PTPRD: variants seen among roughly 807,000 people sequenced by gnomAD.
The protein encoded by PTPRD is receptor-type tyrosine-protein phosphatase delta.
Under a neutral mutation model 214.5 loss-of-function variants are expected in PTPRD, and 34 were observed. The observed-to-expected ratio is 0.16, with a 90% confidence interval of 0.12 to 0.21. The LOEUF (loss-of-function observed/expected upper bound fraction) is 0.21. PTPRD is among the 10% of genes least tolerant of loss of function. The probability of loss-of-function intolerance (pLI) is 1.00; values close to 1 mark genes in which losing one functional copy is unlikely to be tolerated. For synonymous variants in PTPRD, 1,128 were observed against 845.7 expected (o/e 1.33, Z -5.79); for missense variants, 2,545 against 2,398.7 (o/e 1.06, Z -1.27).
intron 2 of PTPRD, among the ~76,000 whole-genome samples, chr9:10,594,858 C>A (rs900451889): frequency 1.3e-5 from 2 of 151,900 alleles, no homozygotes; most frequent in African/African-American, 4.8e-5. Context: ...GTCACAATAC[C>A]ATATTAAATG....
rs4609250 is a variant in PTPRD, at chr9:9,479,222, C to A, written c.-236-81740G>T. On this transcript the variant is annotated intron_variant, in intron 8 of 45. Coordinates refer to ENST00000381196, the MANE Select transcript of PTPRD (RefSeq NM_002839.4). ...ACATACATACACACACACGCCCCCC[C>A]CCCCCCCACACACACACCCACCTCT... is the stretch of plus-strand genomic sequence containing the variant. Among the ~76,000 whole-genome samples, 66 of 93,520 alleles carry A rather than the reference C, an allele frequency of 7.1e-4. 2 individuals carry two copies. The highest frequency in any genetic ancestry group is 2.1e-3 in the African/African-American group (51 of 24,196). 61.4% of individuals were successfully genotyped at this position (93,520 alleles called of 152,430 possible).
intron 11 of PTPRD, among the ~76,000 whole-genome samples, chr9:8,839,815 G>A (rs965066541): frequency 4.7e-5 from 7 of 149,058 alleles, no homozygotes; most frequent in African/African-American, 1.7e-4. Context: ...AAGACAAACA[G>A]ACACATCTAG....
intron 3 of PTPRD, among the ~76,000 whole-genome samples, chr9:10,298,576 TTTG>T (rs1480475309): frequency 3.3e-5 from 5 of 152,124 alleles, no homozygotes; most frequent in African/African-American, 1.2e-4. Context: ...ATATTTAGTT[TTTG>T]TTATCACACA....
chr9:10,482,197 C>A (rs567145258), intron 2 of PTPRD, among the ~76,000 whole-genome samples: 1 of 151,766 alleles, frequency 6.6e-6, no homozygotes, highest in Non-Finnish European at 1.5e-5. Context: ...CAGTGAAACC[C>A]CATCTCTACT....
At chr9:9,269,284 C>T (rs4363255) in intron 9 of PTPRD, among the ~76,000 whole-genome samples, 69,612 of 150,940 alleles carry the variant, frequency 0.46, 16,525 homozygotes, top group African/African-American at 0.58. Context: ...ATCGGAAACA[C>T]GCAAATCAAA....
At chr9:9,334,266 C>T (rs533101048) in intron 9 of PTPRD, among the ~76,000 whole-genome samples, 23 of 151,904 alleles carry the variant, frequency 1.5e-4, no homozygotes, top group Non-Finnish European at 2.7e-4. Context: ...TAAGATGGCT[C>T]ATATAAAATT....
chr9:8,640,045 C>T lies in PTPRD; in HGVS notation c.65-3201G>A, dbSNP rs116065816. On this transcript the variant is annotated intron_variant, in intron 12 of 45. Transcript: ENST00000381196. ...TCCCAGGCTCAGTCAGTCCTCCCAC[C>T]TTAGCATCCAGAGTGGCTGGGAGCA... 5.0e-3 allele frequency among the ~76,000 whole-genome samples: 760 copies of T among 152,258 alleles called. 12 individuals carry two copies. Among genetic ancestry groups the T allele is most frequent in the African/African-American group, 0.018 (731 of 41,546 alleles).
chr9:9,643,926 T>C (rs2096059053), intron 7 of PTPRD, among the ~76,000 whole-genome samples: 1 of 152,198 alleles, frequency 6.6e-6, no homozygotes, highest in Admixed American at 6.5e-5. Context: ...GTTATACTCA[T>C]AGGCATTTCA....
intron 3 of PTPRD, among the ~76,000 whole-genome samples, chr9:10,101,551 G>C (rs1423769570): frequency 1.3e-5 from 2 of 151,548 alleles, no homozygotes; most frequent in African/African-American, 2.4e-5. Flanking sequence ...GCCCACTAAG[G>C]CTTTTACCAT....
intron 2 of PTPRD, among the ~76,000 whole-genome samples, chr9:10,360,997 G>A (rs1056418135): frequency 2.0e-5 from 3 of 152,096 alleles, no homozygotes; most frequent in Admixed American, 6.5e-5. Flanking sequence ...AGCTACTCGG[G>A]AGGCTGAGGC....
chr9:8,534,740 G>A (rs559306255), intron 14 of PTPRD, among the ~76,000 whole-genome samples: 2 of 151,904 alleles, frequency 1.3e-5, no homozygotes, highest in Admixed American at 6.6e-5. Context: ...GCAGCAGAAA[G>A]TCAGTGGATT....
chr9:10,293,257 A>G (rs1450329033), intron 3 of PTPRD, among the ~76,000 whole-genome samples: 2 of 151,750 alleles, frequency 1.3e-5, no homozygotes, highest in Non-Finnish European at 2.9e-5. Flanking sequence ...AGAGGTATAG[A>G]AAAAAAATTG....
chr9:10,196,014 T>C (rs1489052365), intron 3 of PTPRD, among the ~76,000 whole-genome samples: 2 of 152,074 alleles, frequency 1.3e-5, no homozygotes, highest in East Asian at 1.9e-4. Flanking sequence ...AGGAGGGGGA[T>C]TGACTATAGA....
At chr9:9,459,007 C>A (rs976663749) in intron 8 of PTPRD, among the ~76,000 whole-genome samples, 4 of 151,940 alleles carry the variant, frequency 2.6e-5, no homozygotes, top group African/African-American at 9.7e-5. Flanking sequence ...GGTGAATGGT[C>A]ATGCTTTAAA....
At chr9:9,739,777 T>C (rs2098369855) in intron 6 of PTPRD, among the ~76,000 whole-genome samples, 1 of 152,064 alleles carries the variant, frequency 6.6e-6, no homozygotes, top group Non-Finnish European at 1.5e-5. Flanking sequence ...CTTCCTAACT[T>C]GTTGAGATAG....
chr9:8,420,701 T>C (rs1021684888), intron 35 of PTPRD, among the ~76,000 whole-genome samples: 14 of 152,104 alleles, frequency 9.2e-5, no homozygotes, highest in Non-Finnish European at 2.1e-4. Context: ...CTGAAGCTGG[T>C]AGTCTTTATG....
chr9:10,362,343 T>A (rs2097409873), intron 2 of PTPRD, among the ~76,000 whole-genome samples: 1 of 151,852 alleles, frequency 6.6e-6, no homozygotes, highest in Admixed American at 6.6e-5. Context: ...GAAATTTTTT[T>A]TTTTTTTTTT....
At chr9:9,131,462 C>T (rs2099842480) in intron 10 of PTPRD, among the ~76,000 whole-genome samples, 1 of 152,058 alleles carries the variant, frequency 6.6e-6, no homozygotes. Context: ...AATAATATCC[C>T]ATGGAACAGA....
chr9:10,162,062 G>C (rs2099130425), intron 3 of PTPRD, among the ~76,000 whole-genome samples: 1 of 151,620 alleles, frequency 6.6e-6, no homozygotes, highest in Non-Finnish European at 1.5e-5. Context: ...TGAGGATGTG[G>C]AGAAAGGGGA....
Sources: allele counts gnomAD v4.1 joint callset (sites outside exome capture counted in the v4.1 genomes callset), GRCh38; gene constraint gnomAD v4.1.1; transcripts MANE v1.5; gene names NCBI Gene and HGNC (gene_info 2026-07-23, HGNC 2026-07-21).